PANX1: variants seen among roughly 807,000 people sequenced by gnomAD.
PANX1 encodes the protein pannexin 1, also known as pannexin-1.
In PANX1, 30 loss-of-function variants were observed where a neutral mutation model predicts 38.7. The observed-to-expected ratio is 0.78, with a 90% confidence interval of 0.58 to 1.05. PANX1 has a LOEUF of 1.05. Among genes scored for constraint, PANX1 ranks in the 50% least tolerant of loss-of-function variants. The probability of loss-of-function intolerance (pLI) is 0.00; values close to 1 mark genes in which losing one functional copy is unlikely to be tolerated. For missense variants in PANX1, 551 were observed against 517.2 expected (o/e 1.07, Z -0.63); for synonymous variants, 230 against 212.2 (o/e 1.08, Z -0.73).
chr11:94,144,753 C>A (rs1315859134), intron 1 of PANX1, among the ~76,000 whole-genome samples: 4 of 152,142 alleles, frequency 2.6e-5, no homozygotes, highest in Admixed American at 2.6e-4. Flanking sequence ...GGCCATTCAT[C>A]CTCAGGGTGT....
chr11:94,156,992 C>G (rs1946957058), intron 2 of PANX1, among the ~76,000 whole-genome samples: 1 of 151,884 alleles, frequency 6.6e-6, no homozygotes. Flanking sequence ...TTTTTTTGTC[C>G]TTGCGATACT....
At chr11:94,169,561 G>A (rs1382572924) in intron 2 of PANX1, among the ~76,000 whole-genome samples, 1 of 151,636 alleles carries the variant, frequency 6.6e-6, no homozygotes, top group Non-Finnish European at 1.5e-5. Flanking sequence ...GGGTCTTACT[G>A]CAGTAGGGTG....
At chr11:94,159,697 T>A (rs540345271) in intron 2 of PANX1, among the ~76,000 whole-genome samples, 2 of 152,160 alleles carry the variant, frequency 1.3e-5, no homozygotes, top group South Asian at 4.1e-4. Context: ...TTATTGGTTG[T>A]TTGAAGGGTT....
chr11:94,152,864 C>G (rs998476418), intron 1 of PANX1, among the ~76,000 whole-genome samples: 6 of 152,184 alleles, frequency 3.9e-5, no homozygotes, highest in African/African-American at 1.4e-4. Flanking sequence ...TTCCCATTCC[C>G]CATCTACCGC....
chr11:94,153,423 A>G, intron 1 of PANX1, 68 bp from the exon 2 acceptor site: 1 of 1,555,438 alleles, frequency 6.4e-7, no homozygotes, highest in African/African-American at 1.4e-5. Context: ...AACTAAAAAC[A>G]TGTGAGATGG....
chr11:94,164,946 T>C (rs1947086505), intron 2 of PANX1, among the ~76,000 whole-genome samples: 1 of 152,364 alleles, frequency 6.6e-6, no homozygotes, highest in East Asian at 1.9e-4. Context: ...TTTATCTTTT[T>C]ACAGTTTCTG....
chr11:94,153,820 A>G (rs1486568251), intron 2 of PANX1, among the ~76,000 whole-genome samples, 190 bp downstream of exon 2: 1 of 152,228 alleles, frequency 6.6e-6, no homozygotes, highest in Non-Finnish European at 1.5e-5. Flanking sequence ...ATCATTTAGC[A>G]CAATGGGGCA....
At chr11:94,171,956 C>T (rs1364371467) in intron 2 of PANX1, among the ~76,000 whole-genome samples, 1 of 149,674 alleles carries the variant, frequency 6.7e-6, no homozygotes, top group African/African-American at 2.5e-5. Flanking sequence ...GTTTAGAATG[C>T]GGGAGGCAAC....
At chr11:94,145,606 T>C (rs1565374933) in intron 1 of PANX1, among the ~76,000 whole-genome samples, 1 of 152,250 alleles carries the variant, frequency 6.6e-6, no homozygotes, top group Non-Finnish European at 1.5e-5. Flanking sequence ...GTGCTGTGAC[T>C]GTATCTTCAT....
At chr11:94,158,183 A>C (rs900990169) in intron 2 of PANX1, among the ~76,000 whole-genome samples, 21 of 152,192 alleles carry the variant, frequency 1.4e-4, no homozygotes, top group African/African-American at 4.8e-4. Context: ...AGGTAGCATG[A>C]TGCCTCCAGC....
intron 2 of PANX1, among the ~76,000 whole-genome samples, chr11:94,156,896 G>A (rs571804851): frequency 1.1e-4 from 16 of 145,684 alleles, no homozygotes; most frequent in African/African-American, 3.3e-4. Flanking sequence ...CCAAAAACAA[G>A]CCCCAGTGTG....
intron 1 of PANX1, among the ~76,000 whole-genome samples, chr11:94,136,605 A>G (rs553605471): frequency 8.8e-4 from 134 of 151,882 alleles, no homozygotes; most frequent in African/African-American, 3.0e-3. Context: ...TGTCTCTACT[A>G]AAAATACAAA....
chr11:94,158,630 A>C (rs1037081362), intron 2 of PANX1, among the ~76,000 whole-genome samples: 3 of 152,202 alleles, frequency 2.0e-5, no homozygotes, highest in African/African-American at 4.8e-5. Flanking sequence ...GTTGCTTATA[A>C]GCTTAAGGAG....
chr11:94,133,614 ACTT>A (rs1946655553), intron 1 of PANX1, among the ~76,000 whole-genome samples: 1 of 152,154 alleles, frequency 6.6e-6, no homozygotes, highest in African/African-American at 2.4e-5. Context: ...TAGGCCTGAT[ACTT>A]CTAGTCAGCC....
chr11:94,158,128 G>A (rs1946977572), intron 2 of PANX1, among the ~76,000 whole-genome samples: 1 of 152,184 alleles, frequency 6.6e-6, no homozygotes, highest in South Asian at 2.1e-4. Flanking sequence ...GCAGTACCAT[G>A]CTGTTTTGGT....
chr11:94,160,640 C>T (rs896030701), intron 2 of PANX1, among the ~76,000 whole-genome samples: 1 of 152,100 alleles, frequency 6.6e-6, no homozygotes, highest in African/African-American at 2.4e-5. Context: ...AGATGGTTTT[C>T]CTGAATACAG....
At chr11:94,154,662 G>T (rs1489801972) in intron 2 of PANX1, among the ~76,000 whole-genome samples, 1 of 152,130 alleles carries the variant, frequency 6.6e-6, no homozygotes, top group Non-Finnish European at 1.5e-5. Flanking sequence ...TTTGTTTATA[G>T]TTGACCCTTG....
intron 2 of PANX1, among the ~76,000 whole-genome samples, chr11:94,160,713 T>G (rs532454552): frequency 6.6e-6 from 1 of 152,228 alleles, no homozygotes; most frequent in Non-Finnish European, 1.5e-5. Flanking sequence ...TTGGAGCATT[T>G]AGCCCATTTA....
chr11:94,180,380 T>A, intron 4 of PANX1, 123 bp downstream of exon 4: 3 of 843,240 alleles, frequency 3.6e-6, no homozygotes, highest in South Asian at 1.9e-5. Flanking sequence ...TTAAAAACCT[T>A]AATACCAAGG....
Sources: gnomAD v4.1 joint callset for allele counts (sites outside exome capture counted in the v4.1 genomes callset) on GRCh38, gnomAD v4.1.1 for gene constraint, MANE v1.5 for transcripts, NCBI Gene and HGNC (gene_info 2026-07-23, HGNC 2026-07-21) for gene names.